Variants in CFAP96 observed in about 807,000 individuals in gnomAD.
CFAP96 encodes the protein cilia and flagella associated protein 96, also known as cilia-and flagella-associated protein 96.
At chr4:185,410,510 G>T in the CFAP96 span, among the ~76,000 whole-genome samples, 2 of 151,932 alleles carry the variant, frequency 1.3e-5, no homozygotes, top group Non-Finnish European at 2.9e-5. Context: ...TTAGCCAGGC[G>T]TATGGCTATT....
chr4:185,419,460 A>AC, the CFAP96 span, among the ~76,000 whole-genome samples: 1 of 152,138 alleles, frequency 6.6e-6, no homozygotes, highest in Admixed American at 6.5e-5. Context: ...TGCACATGGT[A>AC]CCCCATGGCC....
the CFAP96 span, among the ~76,000 whole-genome samples, chr4:185,424,127 C>T: frequency 7.6e-6 from 1 of 131,558 alleles, no homozygotes; most frequent in African/African-American, 2.7e-5. Context: ...CATAGGAAGA[C>T]CCCCATCTCT....
the CFAP96 span, chr4:185,444,844 G>A: frequency 0.053 from 45,239 of 849,348 alleles, 2,071 homozygotes; most frequent in African/African-American, 0.19. Context: ...GAATTAAACA[G>A]TATCATTTTC....
chr4:185,431,209 CAAAAA>C, the CFAP96 span, among the ~76,000 whole-genome samples: 3 of 88,566 alleles, frequency 3.4e-5, no homozygotes, highest in East Asian at 7.4e-4. Context: ...GACTCCGTCT[CAAAAA>C]AAAAAAAAAA....
the CFAP96 span, chr4:185,440,705 TCTC>T: frequency 7.1e-7 from 1 of 1,410,512 alleles, no homozygotes; most frequent in South Asian, 1.3e-5. Flanking sequence ...TAAACCGTCT[TCTC>T]CTGGTAAAAA....
the CFAP96 span, chr4:185,429,435 G>C: frequency 3.1e-5 from 47 of 1,535,904 alleles, no homozygotes; most frequent in South Asian, 4.7e-4. Flanking sequence ...GAGGAAAAAC[G>C]GACATGGAAA....
the CFAP96 span, among the ~76,000 whole-genome samples, chr4:185,434,798 G>T: frequency 2.0e-5 from 3 of 151,870 alleles, no homozygotes; most frequent in Non-Finnish European, 4.4e-5. Context: ...GAGTGCAGTG[G>T]CGCGATCTCA....
At chr4:185,429,875 T>G in the CFAP96 span, among the ~76,000 whole-genome samples, 1 of 152,108 alleles carries the variant, frequency 6.6e-6, no homozygotes, top group African/African-American at 2.4e-5. Context: ...CTCACTATGT[T>G]GCCCAGGCTG....
At chr4:185,426,028 C>A in the CFAP96 span, 4 of 755,684 alleles carry the variant, frequency 5.3e-6, no homozygotes, top group South Asian at 3.6e-5. Context: ...CGTACCACAC[C>A]GCAGTCCCTC....
chr4:185,422,100 T>C, the CFAP96 span, among the ~76,000 whole-genome samples: 1 of 152,234 alleles, frequency 6.6e-6, no homozygotes, highest in Non-Finnish European at 1.5e-5. Context: ...CTTGTACTCA[T>C]CCCCATATAA....
At chr4:185,436,345 A>G in the CFAP96 span, 1 of 1,546,708 alleles carries the variant, frequency 6.5e-7, no homozygotes, top group East Asian at 2.4e-5. Context: ...TGATGCAGCA[A>G]AACTAAAGTA....
the CFAP96 span, chr4:185,445,403 T>C: frequency 3.4e-6 from 3 of 888,854 alleles, no homozygotes; most frequent in Non-Finnish European, 5.4e-6. Context: ...CGCCTCATTA[T>C]GAGTCATTTG....
the CFAP96 span, among the ~76,000 whole-genome samples, chr4:185,440,990 C>T: frequency 6.6e-6 from 1 of 151,026 alleles, no homozygotes; most frequent in African/African-American, 2.4e-5. Flanking sequence ...TCACTCTTTG[C>T]CCGGGCTGGC....
At chr4:185,415,452 C>A in the CFAP96 span, 1 of 1,012,158 alleles carries the variant, frequency 9.9e-7, no homozygotes, top group South Asian at 2.1e-5. Flanking sequence ...CTTGATTGGA[C>A]CAGGTTTGCT....
chr4:185,443,951 T>TGAGACGGAG, the CFAP96 span, among the ~76,000 whole-genome samples: 1 of 15,080 alleles, frequency 6.6e-5, no homozygotes, highest in African/African-American at 1.8e-4. Context: ...TTTTTTTTTT[T>TGAGACGGAG]TTTTTTTTTT....
chr4:185,418,079 C>T, the CFAP96 span, among the ~76,000 whole-genome samples: 1 of 151,740 alleles, frequency 6.6e-6, no homozygotes, highest in East Asian at 1.9e-4. Flanking sequence ...AACAACAGAA[C>T]CAAGAGTAGT....
the CFAP96 span, among the ~76,000 whole-genome samples, chr4:185,413,560 T>C: frequency 1.3e-5 from 2 of 152,220 alleles, no homozygotes; most frequent in Non-Finnish European, 2.9e-5. Context: ...TTCTAGACCA[T>C]TTTTAATTAC....
chr4:185,415,567 A>G, the CFAP96 span: 1 of 840,506 alleles, frequency 1.2e-6, no homozygotes, highest in East Asian at 2.8e-5. Context: ...TCCTCCAAAT[A>G]ACCATTTAAT....
chr4:185,412,178 A>G, the CFAP96 span, among the ~76,000 whole-genome samples: 1 of 152,236 alleles, frequency 6.6e-6, no homozygotes, highest in African/African-American at 2.4e-5. Flanking sequence ...ATAAATATGT[A>G]AAGTATATAT....
Sources: allele counts gnomAD v4.1 joint callset (sites outside exome capture counted in the v4.1 genomes callset), GRCh38; gene constraint gnomAD v4.1.1; transcripts MANE v1.5; gene names NCBI Gene and HGNC (gene_info 2026-07-23, HGNC 2026-07-21).